NME7: variants seen among roughly 807,000 people sequenced by gnomAD.
NME7 encodes NME/NM23 family member 7, also known as nucleoside diphosphate kinase 7.
A neutral mutation model predicts 49.1 loss-of-function variants in NME7; 41 were observed. The observed-to-expected ratio is 0.83, with a 90% CI of 0.65 to 1.08. The LOEUF (loss-of-function observed/expected upper bound fraction) is 1.08. Ranked by LOEUF, NME7 falls within the 50% of genes least tolerant of loss-of-function variation. NME7 has a pLI of 0.00. For missense variants in NME7, 423 were observed against 463.4 expected (o/e 0.91, Z 0.80); for synonymous variants, 139 against 150.6 (o/e 0.92, Z 0.56).
chr1:169,242,452 C>A (rs185804166), intron 7 of NME7, among the ~76,000 whole-genome samples: 97 of 152,064 alleles, frequency 6.4e-4, no homozygotes, highest in Middle Eastern at 6.8e-3. Flanking sequence ...ACAGCATCTA[C>A]AGAAACCTAC....
chr1:169,191,116 G>A lies in NME7; in HGVS notation c.991-21562C>T, dbSNP rs1660218077. Reference sequence around the variant, plus strand: ...CGTGAGCCACCGCGCCCGGCCGCAAGTGAACTGTTTCTAAGAAAACAACCA... The same window carrying A: ...CGTGAGCCACCGCGCCCGGCCGCAAATGAACTGTTTCTAAGAAAACAACCA... On this transcript the variant is annotated intron_variant, in intron 10 of 11. Transcript: ENST00000367811. Among the ~76,000 whole-genome samples the A allele has an allele frequency of 1.3e-5, 2 of 151,688 alleles. 1 individual carries two copies. The highest frequency in any genetic ancestry group is 4.8e-5 in the African/African-American group (2 of 41,302).
At chr1:169,354,941 T>G (rs1653333961) in intron 1 of NME7, among the ~76,000 whole-genome samples, 1 of 85,266 alleles carries the variant, frequency 1.2e-5, no homozygotes, top group Non-Finnish European at 2.2e-5. Context: ...CTATTATGTA[T>G]TATATATTAT....
At position 169,366,661 on chromosome 1, in the gene NME7, G is replaced by T. The variant is rs1232721264; in HGVS notation, c.3+1047C>A. ...CTACACTAGAAATACAAGACTAAAG[G>T]CTCGGCAAAAATATAGAGCAATGTG... On this transcript the variant is annotated intron_variant, in intron 1 of 11. Transcript: ENST00000367811. Among the ~76,000 whole-genome samples, 4 of 152,288 alleles carry T rather than the reference G, an allele frequency of 2.6e-5. No individual in the cohort carries two copies. The East Asian group carries it at 5.8e-4, about 22-fold the overall frequency.
intron 7 of NME7, among the ~76,000 whole-genome samples, chr1:169,252,875 T>C (rs1648697549): frequency 1.3e-5 from 2 of 149,276 alleles, no homozygotes; most frequent in African/African-American, 2.5e-5. Context: ...TAGTTGTAGA[T>C]ATGCGGTGTT....
At chr1:169,169,644 T>G in intron 10 of NME7, 90 bp from the exon 11 acceptor site, 1 of 1,132,912 alleles carries the variant, frequency 8.8e-7, no homozygotes, top group East Asian at 2.4e-5. Context: ...AACTTATTTA[T>G]GAAATACATG....
chr1:169,343,466 T>G (rs747351923), intron 1 of NME7, among the ~76,000 whole-genome samples: 1 of 151,860 alleles, frequency 6.6e-6, no homozygotes, highest in African/African-American at 2.4e-5. Context: ...TATATGTCTA[T>G]CCCTATGCTA....
intron 10 of NME7, among the ~76,000 whole-genome samples, chr1:169,192,144 T>C (rs1660248329): frequency 6.6e-6 from 1 of 152,160 alleles, no homozygotes; most frequent in Non-Finnish European, 1.5e-5. Context: ...ACATAAAAGA[T>C]AAACTATACA....
At chr1:169,297,600 G>T (rs566670334) in intron 6 of NME7, among the ~76,000 whole-genome samples, 3 of 152,210 alleles carry the variant, frequency 2.0e-5, no homozygotes, top group African/African-American at 4.8e-5. Flanking sequence ...ATTGATCAAA[G>T]ATACAGTTAG....
At chr1:169,203,635 T>C (rs79202767) in intron 10 of NME7, among the ~76,000 whole-genome samples, 12,581 of 152,132 alleles carry the variant, frequency 0.083, 707 homozygotes, top group Admixed American at 0.19. Context: ...ATTCTGTGGT[T>C]GGTGGTCTCT....
At chr1:169,171,011 G>C (rs1418488278) in intron 10 of NME7, among the ~76,000 whole-genome samples, 1 of 152,120 alleles carries the variant, frequency 6.6e-6, no homozygotes, top group African/African-American at 2.4e-5. Flanking sequence ...ATTGTGAAAA[G>C]TGAGTACTAA....
chr1:169,145,870 T>A (rs1316000263), intron 11 of NME7, among the ~76,000 whole-genome samples: 1 of 152,138 alleles, frequency 6.6e-6, no homozygotes, highest in Non-Finnish European at 1.5e-5. Context: ...GTGAGCTAAA[T>A]GTGGTATAAT....
At position 169,297,807 on chromosome 1, in the gene NME7, A is replaced by G. The variant is rs537416840; in HGVS notation, c.648+749T>C. ...TTTCATTAATTGAGTGTAAGAAAAG[A>G]GGAAAAAAGAATTTGGAGGCTATTG... On this transcript the variant is annotated intron_variant, in intron 6 of 11. Transcript: ENST00000367811. Among the ~76,000 whole-genome samples the G allele has an allele frequency of 2.6e-4, 40 of 152,312 alleles. 1 individual carries two copies. The highest frequency in any genetic ancestry group is 9.4e-4 in the African/African-American group (39 of 41,568).
intron 3 of NME7, among the ~76,000 whole-genome samples, chr1:169,314,529 G>T (rs562742762): frequency 2.2e-4 from 34 of 152,138 alleles, no homozygotes; most frequent in African/African-American, 8.2e-4. Context: ...GAAAGCTCAG[G>T]ATAAGATGTC....
At chr1:169,204,587 CCTT>C (rs1408071110) in intron 10 of NME7, among the ~76,000 whole-genome samples, 2 of 152,098 alleles carry the variant, frequency 1.3e-5, no homozygotes, top group Admixed American at 6.6e-5. Context: ...ACAGGGTTCA[CCTT>C]CTTTCAGATG....
Position 169,309,967 on chromosome 1 carries a change from T to C in NME7, c.389+3A>G. ...ACATAACTGAAAATGATAAAAAAAT[T>C]ACCTTGAAAGCATCATCATTTTGAG... On this transcript the variant is annotated splice_donor_region_variant and intron_variant, in intron 4 of 11. Transcript: ENST00000367811. The C allele has an allele frequency of 6.7e-7, 1 of 1,494,430 alleles. No homozygotes were observed. Among genetic ancestry groups the C allele is most frequent in the Non-Finnish European group, 9.2e-7 (1 of 1,086,782 alleles). The allele number at this position is 1,494,430 out of a possible 1,614,324, so 92.6% of individuals were successfully genotyped here. A position where few individuals can be genotyped will look rare whatever the true frequency, so the allele number is the denominator to read the frequency against.
intron 7 of NME7, among the ~76,000 whole-genome samples, chr1:169,280,791 T>G (rs1024009266): frequency 1.4e-5 from 2 of 147,800 alleles, no homozygotes; most frequent in Non-Finnish European, 2.9e-5. Context: ...TTCTGAGGCC[T>G]ACATTCTGTT....
intron 11 of NME7, among the ~76,000 whole-genome samples, chr1:169,163,812 A>T (rs114797245): frequency 0.014 from 2,206 of 152,208 alleles, 49 homozygotes; most frequent in African/African-American, 0.048. Flanking sequence ...AAAGTTGTTT[A>T]AAAAAATTAG....
At chr1:169,195,320 T>C (rs1660347046) in intron 10 of NME7, among the ~76,000 whole-genome samples, 1 of 152,166 alleles carries the variant, frequency 6.6e-6, no homozygotes, top group African/African-American at 2.4e-5. Context: ...CAAGGGATCC[T>C]CCCACCTCAG....
At chr1:169,251,519 G>A (rs183355887) in intron 7 of NME7, among the ~76,000 whole-genome samples, 3 of 140,864 alleles carry the variant, frequency 2.1e-5, no homozygotes, top group Non-Finnish European at 4.6e-5. Flanking sequence ...CAGTTATCCT[G>A]TTACTTGTTA....
Sources: gnomAD v4.1 joint callset for allele counts (sites outside exome capture counted in the v4.1 genomes callset) on GRCh38, gnomAD v4.1.1 for gene constraint, MANE v1.5 for transcripts, NCBI Gene and HGNC (gene_info 2026-07-23, HGNC 2026-07-21) for gene names.